The following RBKS variants were observed in gnomAD, a reference collection of about 807,000 sequenced individuals.
RBKS encodes ribokinase.
Under a neutral mutation model 33.9 loss-of-function variants are expected in RBKS, and 33 were observed. That is an observed-to-expected ratio of 0.97 (90% CI 0.74 to 1.30). The LOEUF is 1.30. Among genes scored for constraint, RBKS ranks in the 50% most tolerant of loss-of-function variants. RBKS has a pLI of 0.00. For missense variants in RBKS, 361 were observed against 392.6 expected, an observed-to-expected ratio of 0.92 and a Z score of 0.68; for synonymous variants, 125 against 143.0, an observed-to-expected ratio of 0.87 and a Z score of 0.90.
chr2:27,830,015 G>T (rs996071909), intron 6 of RBKS, among the ~76,000 whole-genome samples: 6 of 152,086 alleles, frequency 3.9e-5, no homozygotes, highest in African/African-American at 1.4e-4. Flanking sequence ...GACCCACAGC[G>T]GGTGAACTTC....
At chr2:27,861,125 G>C (rs999634941) in intron 1 of RBKS, among the ~76,000 whole-genome samples, 1 of 152,050 alleles carries the variant, frequency 6.6e-6, no homozygotes, top group Non-Finnish European at 1.5e-5. Flanking sequence ...GCGCCACCAG[G>C]CAAGGCTAAT....
intron 1 of RBKS, among the ~76,000 whole-genome samples, chr2:27,865,510 ACTGTATTC>A (rs887057714): frequency 2.7e-5 from 4 of 150,904 alleles, no homozygotes; most frequent in African/African-American, 9.8e-5. Flanking sequence ...TTTTGGATTA[ACTGTATTC>A]CATTTTACGT....
rs180690902 is a variant in RBKS, at chr2:27,846,318, T to C, written c.349+724A>G. Among the ~76,000 whole-genome samples the C allele has an allele frequency of 9.2e-5, 14 of 152,260 alleles. No individual in the cohort carries two copies. In the East Asian group the frequency reaches 2.7e-3, roughly 29 times the overall value. On this transcript the variant is annotated intron_variant, in intron 4 of 7. Coordinates refer to ENST00000302188, the MANE Select transcript of RBKS (RefSeq NM_022128.3). ...ATTCATTCACTCATGCATTTATTTATTTAGAGTCAGAGTCTCACTCTGTCA... is the reference window on the plus strand; with the variant it reads ...ATTCATTCACTCATGCATTTATTTACTTAGAGTCAGAGTCTCACTCTGTCA...
At chr2:27,863,586 T>A (rs539037518) in intron 1 of RBKS, among the ~76,000 whole-genome samples, 1 of 152,222 alleles carries the variant, frequency 6.6e-6, no homozygotes, top group African/African-American at 2.4e-5. Flanking sequence ...AATAGGGGGA[T>A]GAAAAGTCTT....
intron 7 of RBKS, among the ~76,000 whole-genome samples, chr2:27,791,082 C>T (rs1677512463): frequency 6.6e-6 from 1 of 152,140 alleles, no homozygotes; most frequent in Admixed American, 6.5e-5. Flanking sequence ...GGCAATACTA[C>T]TTAGCAATAA....
chr2:27,792,649 T>C (rs1677559031), intron 7 of RBKS, among the ~76,000 whole-genome samples: 2 of 152,150 alleles, frequency 1.3e-5, no homozygotes, highest in Admixed American at 1.3e-4. Flanking sequence ...CCCTTGCTCT[T>C]TTGCACACCC....
intron 1 of RBKS, among the ~76,000 whole-genome samples, chr2:27,866,682 A>G (rs1464317673): frequency 2.0e-5 from 3 of 151,898 alleles, no homozygotes; most frequent in Non-Finnish European, 4.4e-5. Context: ...CATCCAGTGG[A>G]TTTTTTATTT....
chr2:27,797,570 T>C (rs1207946935), intron 7 of RBKS, among the ~76,000 whole-genome samples: 1 of 152,126 alleles, frequency 6.6e-6, no homozygotes, highest in Non-Finnish European at 1.5e-5. Flanking sequence ...CATTTCCCCA[T>C]GGGAAGGCTT....
rs1256530399 is a variant in RBKS, at chr2:27,847,097, T to C, written c.294A>G (p.Thr98=). The change falls in exon 4 of 8, where the codon ACA becomes ACG. Residue 98 remains threonine, a synonymous_variant. Coordinates refer to ENST00000302188, the MANE Select transcript of RBKS (RefSeq NM_022128.3). The part of the protein sequence containing the change: ...LKQNDISTEF[T]YQTKDAATGT... ...CTGTAGCAGCATCTTTAGTCTGATA[T>C]GTAAATTCTGAAAGAAAAAAGAAAA... is the stretch of plus-strand genomic sequence containing the variant. 8.8e-6 allele frequency: 14 copies of C among 1,594,426 alleles called. No individual in the cohort carries two copies. Among genetic ancestry groups the C allele is most frequent in the East Asian group, 2.2e-5 (1 of 44,698 alleles).
At chr2:27,884,730 C>T (rs1664493169) in intron 1 of RBKS, among the ~76,000 whole-genome samples, 1 of 152,132 alleles carries the variant, frequency 6.6e-6, no homozygotes, top group Admixed American at 6.5e-5. Flanking sequence ...CAAGCCATCA[C>T]TTTTAATTGG....
At chr2:27,855,119 G>C (rs373493634) in intron 2 of RBKS, among the ~76,000 whole-genome samples, 1 of 148,386 alleles carries the variant, frequency 6.7e-6, no homozygotes, top group East Asian at 2.0e-4. Context: ...CCTGGGCAAA[G>C]CCAAGAACCC....
chr2:27,815,392 G>C (rs1678068373), intron 7 of RBKS, among the ~76,000 whole-genome samples: 1 of 152,028 alleles, frequency 6.6e-6, no homozygotes, highest in Non-Finnish European at 1.5e-5. Context: ...GTCGAAATGG[G>C]GTTTCGCCAT....
At chr2:27,873,253 A>G (rs902643406) in intron 1 of RBKS, among the ~76,000 whole-genome samples, 1 of 152,136 alleles carries the variant, frequency 6.6e-6, no homozygotes, top group African/African-American at 2.4e-5. Context: ...TGCAGCTGTC[A>G]ATAGGGTTAA....
intron 1 of RBKS, among the ~76,000 whole-genome samples, chr2:27,873,446 T>C (rs1186329684): frequency 1.3e-5 from 2 of 152,232 alleles, no homozygotes; most frequent in African/African-American, 4.8e-5. Flanking sequence ...CTCTATTTTC[T>C]TTATGGTCTT....
chr2:27,821,675 A>G (rs1036892220), intron 7 of RBKS, among the ~76,000 whole-genome samples: 1 of 152,218 alleles, frequency 6.6e-6, no homozygotes, highest in Non-Finnish European at 1.5e-5. Flanking sequence ...AAAGGTGATA[A>G]TGAAGGCTCT....
intron 7 of RBKS, among the ~76,000 whole-genome samples, chr2:27,800,692 C>T (rs1677759158): frequency 6.6e-6 from 1 of 152,074 alleles, no homozygotes; most frequent in South Asian, 2.1e-4. Context: ...AGGGCACAAT[C>T]CATAGGATTG....
At chr2:27,846,401 T>G (rs1663621667) in intron 4 of RBKS, among the ~76,000 whole-genome samples, 1 of 152,198 alleles carries the variant, frequency 6.6e-6, no homozygotes, top group African/African-American at 2.4e-5. Flanking sequence ...ATTCCTGGCC[T>G]CAAGTGATCC....
intron 1 of RBKS, among the ~76,000 whole-genome samples, chr2:27,879,127 T>A (rs1358872813): frequency 1.3e-5 from 2 of 152,130 alleles, no homozygotes; most frequent in Non-Finnish European, 2.9e-5. Context: ...TTCCTTCCCC[T>A]TTTTTTCTGG....
At position 27,832,677 on chromosome 2, in the gene RBKS, C is replaced by A; in HGVS notation, c.606+9G>T. 1 of 1,593,084 alleles carries A rather than the reference C, an allele frequency of 6.3e-7. No individual in the cohort carries two copies. The highest frequency in any genetic ancestry group is 1.1e-5 in the South Asian group (1 of 90,508). The stretch of plus-strand genomic sequence containing the variant: ...TTCTCATAGAATGAGCAAAGCAATT[C>A]ACCCTTACCTCACTTTCATTGCAGC... On this transcript the variant is annotated intron_variant, in intron 6 of 7. Coordinates refer to ENST00000302188, the MANE Select transcript of RBKS (RefSeq NM_022128.3).
Sources: allele counts gnomAD v4.1 joint callset (sites outside exome capture counted in the v4.1 genomes callset), GRCh38; gene constraint gnomAD v4.1.1; transcripts MANE v1.5; gene names NCBI Gene and HGNC (gene_info 2026-07-23, HGNC 2026-07-21).